The following CRADD variants were observed in gnomAD, a reference collection of about 807,000 sequenced individuals.
CRADD encodes CARD and death domain containing adaptor protein, also known as death domain-containing protein CRADD.
In CRADD, 9 loss-of-function variants were observed where a neutral mutation model predicts 15.5. The ratio of observed to expected loss-of-function variants is 0.58; its 90% CI spans 0.35 to 1.01. The LOEUF is 1.01. CRADD is among the 50% of genes least tolerant of loss of function. The probability of loss-of-function intolerance (pLI) is 0.02; values close to 1 mark genes in which losing one functional copy is unlikely to be tolerated. For missense variants in CRADD, 227 were observed against 250.3 expected, an observed-to-expected ratio of 0.91 and a Z score of 0.63; for synonymous variants, 118 against 107.6, an observed-to-expected ratio of 1.10 and a Z score of -0.60.
chr12:93,756,020 T>A (rs950446820), intron 2 of CRADD, among the ~76,000 whole-genome samples: 4 of 152,192 alleles, frequency 2.6e-5, no homozygotes, highest in Admixed American at 2.6e-4. Context: ...AAGTCATAAA[T>A]GTATACTTGT....
chr12:93,758,292 A>G lies in CRADD; in HGVS notation c.298+79220A>G, dbSNP rs571055278. Among the ~76,000 whole-genome samples the G allele has an allele frequency of 2.0e-4, 30 of 152,314 alleles. No individual in the cohort carries two copies. In the South Asian group the frequency reaches 5.8e-3, roughly 29 times the overall value. On this transcript the variant is annotated intron_variant, in intron 2 of 2. Coordinates refer to ENST00000332896, the MANE Select transcript of CRADD (RefSeq NM_003805.5). ...ACACATGTTTAACAATGAGCATGAG[A>G]GTTTTCCCCATTGCTATTCTTACTA...
At position 93,764,695 on chromosome 12, in the gene CRADD, T is replaced by A. The variant is rs375789784; in HGVS notation, c.299-85275T>A. 2.0e-5 allele frequency among the ~76,000 whole-genome samples: 3 copies of A among 151,576 alleles called. No individual in the cohort carries two copies. The South Asian group carries it at 6.3e-4, about 32-fold the overall frequency. The stretch of plus-strand genomic sequence containing the variant: ...TCCTTATGACAGTTTTCTTCCAAAT[T>A]GTGGAACGCTTTGTGGTATTTAGTA... On this transcript the variant is annotated intron_variant, in intron 2 of 2. Coordinates refer to ENST00000332896, the MANE Select transcript of CRADD (RefSeq NM_003805.5).
At chr12:93,780,116 G>A (rs1357629734) in intron 2 of CRADD, among the ~76,000 whole-genome samples, 1 of 152,160 alleles carries the variant, frequency 6.6e-6, no homozygotes, top group Non-Finnish European at 1.5e-5. Flanking sequence ...AGAAAAACAA[G>A]TAAAGGCTAA....
chr12:93,750,403 T>C (rs1448362280), intron 2 of CRADD, among the ~76,000 whole-genome samples: 1 of 152,234 alleles, frequency 6.6e-6, no homozygotes, highest in Non-Finnish European at 1.5e-5. Context: ...GACTTCATTT[T>C]AGATGTTAAC....
At chr12:93,849,159 G>C (rs1324803937) in intron 2 of CRADD, 1 of 152,220 alleles carries the variant, frequency 6.6e-6, no homozygotes, top group Non-Finnish European at 1.5e-5. Flanking sequence ...CCTCTAGCAC[G>C]TGCCTTTCCT....
chr12:93,754,424 A>G (rs1251286905), intron 2 of CRADD, among the ~76,000 whole-genome samples: 3 of 152,220 alleles, frequency 2.0e-5, no homozygotes, highest in East Asian at 3.8e-4. Context: ...ATTTCTCCCA[A>G]GAATAGGGGT....
chr12:93,808,971 A>G (rs1240621128), intron 2 of CRADD, among the ~76,000 whole-genome samples: 4 of 152,152 alleles, frequency 2.6e-5, no homozygotes, highest in South Asian at 2.1e-4. Flanking sequence ...CTGGAGTGCA[A>G]TGGCGCCTTC....
intron 2 of CRADD, among the ~76,000 whole-genome samples, chr12:93,782,676 A>G (rs1957225217): frequency 6.6e-6 from 1 of 151,840 alleles, no homozygotes; most frequent in African/African-American, 2.4e-5. Flanking sequence ...TGAACAACTG[A>G]CTAACTAAAA....
chr12:93,870,898 T>C (rs1161734109), intron 2 of CRADD, among the ~76,000 whole-genome samples: 2 of 152,172 alleles, frequency 1.3e-5, no homozygotes, highest in South Asian at 2.1e-4. Flanking sequence ...TCTAAAGCTA[T>C]TGTGAAATGG....
At chr12:93,845,076 A>G (rs1281940285) in intron 2 of CRADD, among the ~76,000 whole-genome samples, 1 of 152,212 alleles carries the variant, frequency 6.6e-6, no homozygotes. Flanking sequence ...GAAAGAGACC[A>G]TAGGAGTGAG....
intron 2 of CRADD, among the ~76,000 whole-genome samples, chr12:93,794,736 T>C (rs1396722876): frequency 6.6e-6 from 1 of 152,170 alleles, no homozygotes; most frequent in Admixed American, 6.5e-5. Context: ...AACTCACCCA[T>C]TGGCATCCCA....
At chr12:93,882,434 A>C (rs1958509214) in intron 2 of CRADD, among the ~76,000 whole-genome samples, 1 of 151,574 alleles carries the variant, frequency 6.6e-6, no homozygotes. Flanking sequence ...AAAAAAAAAA[A>C]AAAAACGGAA....
At chr12:93,764,457 G>A (rs975224771) in intron 2 of CRADD, among the ~76,000 whole-genome samples, 2 of 152,058 alleles carry the variant, frequency 1.3e-5, no homozygotes, top group African/African-American at 4.8e-5. Context: ...GGTTGGTGGC[G>A]CTTTTTGGTT....
intron 2 of CRADD, among the ~76,000 whole-genome samples, chr12:93,792,360 A>T (rs1387342065): frequency 1.3e-5 from 2 of 152,180 alleles, no homozygotes; most frequent in Admixed American, 6.6e-5. Context: ...GCTGGCCTGT[A>T]TTCAGAGAAG....
intron 2 of CRADD, among the ~76,000 whole-genome samples, chr12:93,760,757 GGGT>G (rs77777369): frequency 0.036 from 5,488 of 152,102 alleles, 152 homozygotes; most frequent in South Asian, 0.062. Flanking sequence ...TGTTTATCCT[GGGT>G]GAGTGTGAGA....
chr12:93,678,745 A>C (rs1955213984), intron 1 of CRADD, 24 bp from the exon 2 acceptor site: 1 of 1,597,324 alleles, frequency 6.3e-7, no homozygotes, highest in Non-Finnish European at 8.5e-7. Flanking sequence ...CTGTAATTTG[A>C]GCTGTGATTT....
At chr12:93,781,499 T>C (rs139838572) in intron 2 of CRADD, among the ~76,000 whole-genome samples, 11 of 152,340 alleles carry the variant, frequency 7.2e-5, no homozygotes, top group Non-Finnish European at 1.5e-4. Flanking sequence ...TAATGAATGA[T>C]AAAATCAGGT....
chr12:93,726,984 A>G (rs1476770445), intron 2 of CRADD, among the ~76,000 whole-genome samples: 1 of 152,212 alleles, frequency 6.6e-6, no homozygotes, highest in South Asian at 2.1e-4. Context: ...ATTACCATCT[A>G]TACTCAGATT....
intron 2 of CRADD, among the ~76,000 whole-genome samples, chr12:93,739,234 G>A (rs1350289250): frequency 1.3e-5 from 2 of 152,030 alleles, no homozygotes; most frequent in African/African-American, 2.4e-5. Flanking sequence ...AAATGTTGAG[G>A]AGACTTTGAG....
Sources: allele counts gnomAD v4.1 joint callset (sites outside exome capture counted in the v4.1 genomes callset), GRCh38; gene constraint gnomAD v4.1.1; transcripts MANE v1.5; gene names NCBI Gene and HGNC (gene_info 2026-07-23, HGNC 2026-07-21).